Variants in LHPP observed in about 807,000 individuals in gnomAD.
The protein encoded by LHPP is hLHPP.
A neutral mutation model predicts 30.3 loss-of-function variants in LHPP; 24 were observed. That is an observed-to-expected ratio of 0.79 (90% CI 0.57 to 1.11). The LOEUF is 1.11. Among genes scored for constraint, LHPP ranks in the 50% most tolerant of loss-of-function variants. LHPP has a pLI of 0.00. For missense variants in LHPP, 356 were observed against 367.2 expected, an observed-to-expected ratio of 0.97 and a Z score of 0.25; for synonymous variants, 150 against 157.1, an observed-to-expected ratio of 0.95 and a Z score of 0.34.
intron 3 of LHPP, among the ~76,000 whole-genome samples, chr10:124,494,381 G>A (rs1296411731): frequency 6.6e-6 from 1 of 152,216 alleles, no homozygotes; most frequent in Non-Finnish European, 1.5e-5. Context: ...AAACAGAGCT[G>A]TACCTGTCGC....
chr10:124,466,322 T>C (rs976072097), intron 1 of LHPP, among the ~76,000 whole-genome samples: 1 of 152,196 alleles, frequency 6.6e-6, no homozygotes, highest in African/African-American at 2.4e-5. Flanking sequence ...CTGCTGTGTT[T>C]GCATAAAGAC....
rs891354168 is a variant in LHPP, at chr10:124,517,115, A to G, written c.625-65A>G. ...AAGCCATTTATTATGTCAAAAAAAGATGAAGGAGCCCGGGAATAAAACTCT... is the reference window on the plus strand; with the variant it reads ...AAGCCATTTATTATGTCAAAAAAAGGTGAAGGAGCCCGGGAATAAAACTCT... On this transcript the variant is annotated intron_variant, in intron 5 of 6. Coordinates refer to ENST00000368842, the MANE Select transcript of LHPP (RefSeq NM_022126.4). The surrounding 1 kb of genome is among the most constrained non-coding windows in gnomAD (Gnocchi z 4.1). 1.2e-5 allele frequency: 13 copies of G among 1,070,614 alleles called. No homozygotes were observed. The East Asian group carries it at 3.4e-4, about 28-fold the overall frequency. 66.3% of individuals were successfully genotyped at this position (1,070,614 alleles called of 1,614,324 possible). A position where few individuals can be genotyped will look rare whatever the true frequency, so the allele number is the denominator to read the frequency against.
chr10:124,613,209 G>A lies in LHPP; in HGVS notation c.717-55G>A, dbSNP rs939282761. 2.0e-5 allele frequency: 26 copies of A among 1,306,614 alleles called. No individual in the cohort carries two copies. In the African/African-American group the frequency reaches 3.2e-4, roughly 16 times the overall value. 80.9% of individuals were successfully genotyped at this position (1,306,614 alleles called of 1,614,324 possible). A position where few individuals can be genotyped will look rare whatever the true frequency, so the allele number is the denominator to read the frequency against. ...TGTTAGATGCTGGGAGGGTGGGTGT[G>A]GCTGCAGAGGGGTCAGCGTGGGGGC... On this transcript the variant is annotated intron_variant, in intron 6 of 6. Coordinates refer to ENST00000368842, the MANE Select transcript of LHPP (RefSeq NM_022126.4).
Position 124,590,379 on chromosome 10 carries a change from C to T in LHPP, c.717-22885C>T, listed in dbSNP as rs533754851. On this transcript the variant is annotated intron_variant, in intron 6 of 6. Coordinates refer to ENST00000368842, the MANE Select transcript of LHPP (RefSeq NM_022126.4). The surrounding 1 kb of genome is among the most constrained non-coding windows in gnomAD (Gnocchi z 4.3). ...CAACCTTTCTTGGGCTCTGAAGGCG[C>T]CTCTCATCCTCTGAGCCAAGAAGAC... is the stretch of plus-strand genomic sequence containing the variant. Among the ~76,000 whole-genome samples the T allele has an allele frequency of 3.3e-5, 5 of 152,326 alleles. No individual in the cohort carries two copies. Among genetic ancestry groups the T allele is most frequent in the African/African-American group, 1.2e-4 (5 of 41,572 alleles).
chr10:124,542,301 G>C (rs1195949371), intron 6 of LHPP, among the ~76,000 whole-genome samples: 3 of 152,198 alleles, frequency 2.0e-5, no homozygotes, highest in Non-Finnish European at 2.9e-5. Context: ...TACTGACCTT[G>C]AAGTTATCCA....
Position 124,523,490 on chromosome 10 carries a change from C to T in LHPP, c.716+6219C>T, listed in dbSNP as rs188930700. On this transcript the variant is annotated intron_variant, in intron 6 of 6. Transcript: ENST00000368842. This position sits in a 1 kb window ranked among gnomAD's most constrained non-coding sequence, Gnocchi z 4.2. ...GCTTGTCCTGGGTCTTCCCAGACTT[C>T]GCAGTGACGGATTTCAGAGTGTTTC... Among the ~76,000 whole-genome samples the T allele has an allele frequency of 2.0e-5, 3 of 152,342 alleles. No homozygotes were observed. The highest frequency in any genetic ancestry group is 4.4e-5 in the Non-Finnish European group (3 of 68,040).
At chr10:124,539,483 G>A (rs1420585029) in intron 6 of LHPP, among the ~76,000 whole-genome samples, 2 of 151,936 alleles carry the variant, frequency 1.3e-5, no homozygotes, top group Non-Finnish European at 1.5e-5. Flanking sequence ...AAATTTGGCC[G>A]GGCATGGTGG....
At chr10:124,479,154 G>A (rs117868869) in intron 1 of LHPP, among the ~76,000 whole-genome samples, 2,039 of 152,176 alleles carry the variant, frequency 0.013, 18 homozygotes, top group Non-Finnish European at 0.019. Context: ...AGGAGGCAGC[G>A]TGCTGAGGTG....
intron 6 of LHPP, among the ~76,000 whole-genome samples, chr10:124,520,402 A>G (rs900489423): frequency 6.6e-5 from 10 of 151,878 alleles, no homozygotes; most frequent in Admixed American, 6.6e-5. Context: ...AGCCCTCAGC[A>G]AATGGCCAGG....
In LHPP at chr10:124,506,860, T is replaced by TTCAGGTAGGGGGTAGGGAGGATAG. The variant is rs1954099849; in HGVS notation, c.624+8732_624+8733insTCAGGTAGGGGGTAGGGAGGATAG. Among the ~76,000 whole-genome samples, 2 of 5,336 alleles carry TTCAGGTAGGGGGTAGGGAGGATAG rather than the reference T, an allele frequency of 3.7e-4. 1 individual carries two copies. Among genetic ancestry groups the TTCAGGTAGGGGGTAGGGAGGATAG allele is most frequent in the African/African-American group, 2.5e-3 (2 of 806 alleles). 3.5% of individuals were successfully genotyped at this position (5,336 alleles called of 152,430 possible). On this transcript the variant is annotated intron_variant, in intron 5 of 6. Coordinates refer to ENST00000368842, the MANE Select transcript of LHPP (RefSeq NM_022126.4). The stretch of plus-strand genomic sequence containing the variant: ...TTTCAGGTAGGGGGTAGGGAGGATT[T>TTCAGGTAGGGGGTAGGGAGGATAG]CAGGTGGAGAGGTAGACAGGATTTC...
intron 6 of LHPP, among the ~76,000 whole-genome samples, chr10:124,600,819 C>T (rs1223558062): frequency 6.6e-6 from 1 of 152,234 alleles, no homozygotes; most frequent in African/African-American, 2.4e-5. Context: ...CCACAGTCCC[C>T]AGTGGTCAGT....
At chr10:124,563,693 TC>T (rs1448737726) in intron 6 of LHPP, among the ~76,000 whole-genome samples, 4 of 152,182 alleles carry the variant, frequency 2.6e-5, no homozygotes, top group Admixed American at 2.6e-4. Flanking sequence ...CATGTGAATC[TC>T]CAATTAGCCC....
rs895398724 is a variant in LHPP at position 124,593,923 on chromosome 10, C to T, written c.717-19341C>T. Among the ~76,000 whole-genome samples the T allele has an allele frequency of 6.6e-6, 1 of 152,268 alleles. No individual in the cohort carries two copies. The highest frequency in any genetic ancestry group is 2.4e-5 in the African/African-American group (1 of 41,476). On this transcript the variant is annotated intron_variant, in intron 6 of 6. Coordinates refer to ENST00000368842, the MANE Select transcript of LHPP (RefSeq NM_022126.4). This position sits in a 1 kb window ranked among gnomAD's most constrained non-coding sequence, Gnocchi z 4.9. ...GGCTGTCCCTCCCACAGCTATTGAA[C>T]ACCAGGTCCTTGCTGCGTCTGGCTG...
At chr10:124,545,912 C>A (rs754130244) in intron 6 of LHPP, 3 of 152,098 alleles carry the variant, frequency 2.0e-5, no homozygotes, top group Non-Finnish European at 4.4e-5. Context: ...ACAGTCACGG[C>A]GCTGGTGGAG....
At chr10:124,612,125 C>G (rs991313875) in intron 6 of LHPP, among the ~76,000 whole-genome samples, 4 of 152,154 alleles carry the variant, frequency 2.6e-5, no homozygotes, top group Non-Finnish European at 5.9e-5. Flanking sequence ...GGATGGGGGC[C>G]GGGCACGGTG....
chr10:124,585,265 C>A (rs1948789194), intron 6 of LHPP, among the ~76,000 whole-genome samples: 1 of 152,104 alleles, frequency 6.6e-6, no homozygotes, highest in South Asian at 2.1e-4. Flanking sequence ...TCTTTTTGAG[C>A]TACCATAAAT....
intron 5 of LHPP, among the ~76,000 whole-genome samples, chr10:124,502,667 C>CTTTTTT (rs1190430106): frequency 2.8e-4 from 20 of 71,348 alleles, no homozygotes; most frequent in Admixed American, 4.3e-4. Context: ...CACGCCCAGC[C>CTTTTTT]TTTTTTTTTT....
chr10:124,497,788 G>A (rs1429733574), intron 4 of LHPP, among the ~76,000 whole-genome samples: 1 of 152,214 alleles, frequency 6.6e-6, no homozygotes, highest in Non-Finnish European at 1.5e-5. Context: ...GCTCTTGGAT[G>A]CCTTCTGCTG....
chr10:124,601,715 T>C (rs1949024380), intron 6 of LHPP, among the ~76,000 whole-genome samples: 1 of 152,222 alleles, frequency 6.6e-6, no homozygotes, highest in South Asian at 2.1e-4. Flanking sequence ...GTTTCCTCCC[T>C]GTGGACAGAG....
Sources: gnomAD v4.1 joint callset for allele counts (sites outside exome capture counted in the v4.1 genomes callset) on GRCh38, gnomAD v4.1.1 for gene constraint, Gnocchi (gnomAD v3.1) non-coding constraint, MANE v1.5 for transcripts, NCBI Gene and HGNC (gene_info 2026-07-23, HGNC 2026-07-21) for gene names.